Variants in PDE4D observed in about 807,000 individuals in gnomAD.
PDE4D encodes the protein 3',5'-cyclic-AMP phosphodiesterase 4D.
PDE4D carries 24 observed loss-of-function variants against 87.4 expected under a neutral mutation model. The observed-to-expected ratio is 0.27, with a 90% CI of 0.20 to 0.39. The LOEUF (loss-of-function observed/expected upper bound fraction) is 0.39, where lower values mean the gene tolerates loss of function less well. Among genes scored for constraint, PDE4D ranks in the 10% least tolerant of loss-of-function variants. The pLI is 1.00. For synonymous variants in PDE4D, 384 were observed against 383.2 expected (o/e 1.00, Z -0.02); for missense variants, 714 against 1,041.0 (o/e 0.69, Z 4.32).
chr5:60,356,649 A>C (rs150833207), intron 1 of PDE4D, among the ~76,000 whole-genome samples: 2 of 152,080 alleles, frequency 1.3e-5, no homozygotes, highest in Non-Finnish European at 2.9e-5. Context: ...TTTTCCCCCC[A>C]CTTTAAAAAG....
intron 1 of PDE4D, among the ~76,000 whole-genome samples, chr5:59,374,316 TA>T (rs1784380765): frequency 6.6e-6 from 1 of 151,962 alleles, no homozygotes; most frequent in African/African-American, 2.4e-5. Flanking sequence ...AGGCTCAAAA[TA>T]AAGGGATGGA....
intron 1 of PDE4D, among the ~76,000 whole-genome samples, chr5:59,585,828 C>T (rs1233846896): frequency 6.6e-6 from 1 of 152,178 alleles, no homozygotes; most frequent in African/African-American, 2.4e-5. Flanking sequence ...AGAAATATTT[C>T]TTGAATAGCT....
chr5:59,019,907 CTA>C (rs2153374183), intron 6 of PDE4D, among the ~76,000 whole-genome samples: 1 of 133,922 alleles, frequency 7.5e-6, no homozygotes, highest in African/African-American at 3.0e-5. Context: ...ATCTATCTAT[CTA>C]TCTATGTGTT....
chr5:59,580,909 ATAGCCTGAT>A (rs1283755130), intron 1 of PDE4D, among the ~76,000 whole-genome samples: 1 of 152,120 alleles, frequency 6.6e-6, no homozygotes, highest in African/African-American at 2.4e-5. Flanking sequence ...TTTCCAGCCA[ATAGCCTGAT>A]TATGTAGACT....
chr5:60,306,799 C>A (rs962410003), intron 1 of PDE4D, among the ~76,000 whole-genome samples: 3 of 151,762 alleles, frequency 2.0e-5, no homozygotes, highest in Admixed American at 2.0e-4. Context: ...GAAATCGAAA[C>A]CGGAACATAG....
chr5:59,995,565 CG>C (rs1763455265), intron 2 of PDE4D, among the ~76,000 whole-genome samples: 1 of 152,022 alleles, frequency 6.6e-6, no homozygotes, highest in African/African-American at 2.4e-5. Context: ...GGTGATCCAC[CG>C]CCTCGGCCTC....
chr5:60,401,499 A>AT (rs1208366512), intron 1 of PDE4D, among the ~76,000 whole-genome samples: 12 of 152,188 alleles, frequency 7.9e-5, no homozygotes, highest in Non-Finnish European at 1.6e-4. Flanking sequence ...TTATGTTAAA[A>AT]AAGAGGATGG....
intron 1 of PDE4D, among the ~76,000 whole-genome samples, chr5:59,623,930 A>C (rs1830606010): frequency 6.6e-6 from 1 of 152,212 alleles, no homozygotes; most frequent in Admixed American, 6.6e-5. Flanking sequence ...TGCATTTATA[A>C]TGTGGTATAT....
At chr5:59,650,113 C>T (rs796860998) in intron 1 of PDE4D, among the ~76,000 whole-genome samples, 5 of 151,448 alleles carry the variant, frequency 3.3e-5, no homozygotes, top group African/African-American at 1.2e-4. Flanking sequence ...ATATTGCAAA[C>T]AACATGTAAT....
chr5:60,163,896 T>C (rs1203620994), intron 2 of PDE4D, among the ~76,000 whole-genome samples: 1 of 152,156 alleles, frequency 6.6e-6, no homozygotes, highest in Non-Finnish European at 1.5e-5. Context: ...CCATTGACTT[T>C]CTGGAAATCT....
intron 1 of PDE4D, among the ~76,000 whole-genome samples, chr5:59,235,691 C>G (rs991183541): frequency 1.2e-4 from 19 of 152,296 alleles, no homozygotes; most frequent in Middle Eastern, 3.4e-3. Context: ...GCACAATGTT[C>G]AAAACCTTTG....
At position 60,086,799 on chromosome 5, in the gene PDE4D, T is replaced by C. The variant is rs563572931; in HGVS notation, c.43-98082A>G. On this transcript the variant is annotated intron_variant, in intron 2 of 16. Transcript: ENST00000502484. The stretch of plus-strand genomic sequence containing the variant: ...ACCATTGGGTATCCCAGAGGGCTGA[T>C]TGGAAGACAAGGCACAGGACATTAA... 3.9e-5 allele frequency among the ~76,000 whole-genome samples: 6 copies of C among 152,306 alleles called. No individual in the cohort carries two copies. The South Asian group carries it at 8.3e-4, about 21-fold the overall frequency.
Position 60,043,774 on chromosome 5 carries a change from A to T in PDE4D, c.43-55057T>A, listed in dbSNP as rs546691669. Among the ~76,000 whole-genome samples, 22 of 151,342 alleles carry T rather than the reference A, an allele frequency of 1.5e-4. No homozygotes were observed. The East Asian group carries it at 4.3e-3, about 29-fold the overall frequency. ...TTCAGTTTTTGACCTATGTCATTTC[A>T]TTTCTGACCGAAAAATTTCTTTCAA... On this transcript the variant is annotated intron_variant, in intron 2 of 16. Transcript: ENST00000502484.
At chr5:59,477,862 T>TA (rs1403196630) in intron 1 of PDE4D, among the ~76,000 whole-genome samples, 9 of 151,910 alleles carry the variant, frequency 5.9e-5, no homozygotes, top group Non-Finnish European at 1.3e-4. Flanking sequence ...TATGCAGCCA[T>TA]AAAAAAGAGC....
At chr5:59,311,739 A>C (rs1196642104) in intron 1 of PDE4D, among the ~76,000 whole-genome samples, 1 of 152,134 alleles carries the variant, frequency 6.6e-6, no homozygotes, top group Non-Finnish European at 1.5e-5. Flanking sequence ...TGGAAGTACA[A>C]ATTTTAATAC....
chr5:59,995,321 CTT>C (rs70975357), intron 2 of PDE4D, among the ~76,000 whole-genome samples: 9 of 140,120 alleles, frequency 6.4e-5, no homozygotes, highest in African/African-American at 7.9e-5. Context: ...TTCTTTCTTT[CTT>C]TTTTTTTTTT....
At chr5:59,599,586 G>A (rs1228092835) in intron 1 of PDE4D, among the ~76,000 whole-genome samples, 1 of 152,106 alleles carries the variant, frequency 6.6e-6, no homozygotes, top group Non-Finnish European at 1.5e-5. Context: ...TCTGGGTACT[G>A]TTAGGCAATA....
At chr5:59,675,217 C>A (rs1747867366) in intron 1 of PDE4D, among the ~76,000 whole-genome samples, 1 of 150,478 alleles carries the variant, frequency 6.6e-6, no homozygotes, top group African/African-American at 2.4e-5. Context: ...TCTCAGAATA[C>A]TACTACTTTT....
At chr5:59,493,159 G>A (rs141427670) in intron 1 of PDE4D, among the ~76,000 whole-genome samples, 1,813 of 152,092 alleles carry the variant, frequency 0.012, 24 homozygotes, top group Middle Eastern at 0.017. Flanking sequence ...TTTTTTTATT[G>A]CAATATTTTA....
Sources: gnomAD v4.1 joint callset for allele counts (sites outside exome capture counted in the v4.1 genomes callset) on GRCh38, gnomAD v4.1.1 for gene constraint, MANE v1.5 for transcripts, NCBI Gene and HGNC (gene_info 2026-07-23, HGNC 2026-07-21) for gene names.